Variants in CSNK1G1 observed in about 807,000 individuals in gnomAD.
CSNK1G1 encodes casein kinase I isoform gamma-1.
In CSNK1G1, 22 loss-of-function variants were observed where a neutral mutation model predicts 59.6. The ratio of observed to expected loss-of-function variants is 0.37; its 90% CI spans 0.26 to 0.53. The LOEUF is 0.53. CSNK1G1 is among the 20% of genes least tolerant of loss of function. CSNK1G1 has a pLI of 0.89. For missense variants in CSNK1G1, 384 were observed against 519.5 expected, an observed-to-expected ratio of 0.74 and a Z score of 2.54; for synonymous variants, 179 against 177.1, an observed-to-expected ratio of 1.01 and a Z score of -0.08.
At chr15:64,196,938 A>C (rs180858306) in intron 10 of CSNK1G1, among the ~76,000 whole-genome samples, 1 of 152,316 alleles carries the variant, frequency 6.6e-6, no homozygotes, top group East Asian at 1.9e-4. Context: ...AGGTTAAATA[A>C]AAATCTATGC....
intron 2 of CSNK1G1, among the ~76,000 whole-genome samples, chr15:64,267,222 A>C (rs1053318173): frequency 1.8e-4 from 27 of 149,532 alleles, no homozygotes; most frequent in Non-Finnish European, 3.7e-4. Context: ...GTGCCACTGC[A>C]CTCCAGCCTG....
chr15:64,250,184 G>A (rs1891996644), intron 4 of CSNK1G1, among the ~76,000 whole-genome samples: 2 of 152,106 alleles, frequency 1.3e-5, no homozygotes, highest in South Asian at 4.1e-4. Context: ...TATACACCCT[G>A]TGAACTCAGT....
intron 10 of CSNK1G1, among the ~76,000 whole-genome samples, chr15:64,198,568 G>GA (rs946168163): frequency 6.6e-6 from 1 of 152,070 alleles, no homozygotes; most frequent in African/African-American, 2.4e-5. Flanking sequence ...AGTTGCTGAT[G>GA]AAAGGTTAGC....
chr15:64,179,395 G>A (rs146158943), intron 11 of CSNK1G1, among the ~76,000 whole-genome samples: 1 of 152,282 alleles, frequency 6.6e-6, no homozygotes, highest in East Asian at 1.9e-4. Context: ...GTTCTGGCTT[G>A]TATTAAGCTA....
intron 4 of CSNK1G1, among the ~76,000 whole-genome samples, chr15:64,231,188 GTGTGATGTATGCC>G (rs138341970): frequency 0.039 from 5,824 of 150,052 alleles, 391 homozygotes; most frequent in African/African-American, 0.14. Context: ...TTAGTTGAGC[GTGTGATGTATGCC>G]TGTGGTCCCA....
At chr15:64,339,783 C>T (rs188284281) in intron 1 of CSNK1G1, among the ~76,000 whole-genome samples, 51 of 152,336 alleles carry the variant, frequency 3.3e-4, no homozygotes, top group East Asian at 3.9e-4. Context: ...GCCTTAAATA[C>T]GAATATTAAA....
intron 4 of CSNK1G1, among the ~76,000 whole-genome samples, chr15:64,233,352 CTCTCTCTT>C (rs568577290): frequency 2.0e-5 from 3 of 151,482 alleles, no homozygotes; most frequent in African/African-American, 4.8e-5. Context: ...GATTCTCTCT[CTCTCTCTT>C]TCTCTCTTTT....
chr15:64,234,294 T>A (rs2082586993), intron 4 of CSNK1G1, among the ~76,000 whole-genome samples: 2 of 151,984 alleles, frequency 1.3e-5, no homozygotes, highest in South Asian at 2.1e-4. Context: ...TTATAAAAAA[T>A]AAAATATAAA....
rs2081925482 is a variant in CSNK1G1 at position 64,188,335 on chromosome 15, G to GC, written c.1108-7882dup. 6.9e-7 allele frequency: 1 copy of GC among 1,458,948 alleles called. No homozygotes were observed. The highest frequency in any genetic ancestry group is 9.2e-7 in the Non-Finnish European group (1 of 1,081,450). The allele number at this position is 1,458,948 out of a possible 1,614,324, so 90.4% of individuals were successfully genotyped here. ...AGCAAGCCAACATTCCACCAGCCAA[G>GC]CTGGAAAGGCCAGGAAAAGGCAATA... On this transcript the variant is annotated intron_variant, in intron 10 of 11. Coordinates refer to ENST00000303052, the MANE Select transcript of CSNK1G1 (RefSeq NM_022048.5). The surrounding 1 kb of genome is among the most constrained non-coding windows in gnomAD (Gnocchi z 4.2).
chr15:64,274,798 A>G (rs567157318), intron 2 of CSNK1G1, among the ~76,000 whole-genome samples: 3 of 152,176 alleles, frequency 2.0e-5, no homozygotes, highest in African/African-American at 7.2e-5. Context: ...CTCAGTTCTC[A>G]GAGCCATACT....
Position 64,200,231 on chromosome 15 carries a change from C to T in CSNK1G1, c.1107+2851G>A, listed in dbSNP as rs1326795570. Among the ~76,000 whole-genome samples the T allele has an allele frequency of 4.0e-5, 6 of 151,282 alleles. No homozygotes were observed. Among genetic ancestry groups the T allele is most frequent in the Non-Finnish European group, 8.8e-5 (6 of 67,860 alleles). ...CAGCCTTGGTGATAAGAGCTAAACT[C>T]TGTCTCAAAAAAAAAAAGAGACACA... On this transcript the variant is annotated intron_variant, in intron 10 of 11. Transcript: ENST00000303052. The surrounding 1 kb of genome is among the most constrained non-coding windows in gnomAD (Gnocchi z 4.3).
chr15:64,306,625 C>T (rs549623334), intron 1 of CSNK1G1, among the ~76,000 whole-genome samples: 1 of 152,244 alleles, frequency 6.6e-6, no homozygotes, highest in South Asian at 2.1e-4. Flanking sequence ...CAGCACATTT[C>T]TTGGTATTGA....
At chr15:64,309,859 T>G (rs568742555) in intron 1 of CSNK1G1, among the ~76,000 whole-genome samples, 1 of 152,222 alleles carries the variant, frequency 6.6e-6, no homozygotes, top group African/African-American at 2.4e-5. Flanking sequence ...CCTATAATCC[T>G]AGAACTTTGG....
At chr15:64,277,950 G>T (rs1422343936) in intron 2 of CSNK1G1, among the ~76,000 whole-genome samples, 1 of 140,848 alleles carries the variant, frequency 7.1e-6, no homozygotes, top group African/African-American at 2.6e-5. Context: ...TATTAATATT[G>T]ATATAGTTGA....
At chr15:64,308,966 A>T (rs912699514) in intron 1 of CSNK1G1, among the ~76,000 whole-genome samples, 5 of 151,916 alleles carry the variant, frequency 3.3e-5, no homozygotes, top group African/African-American at 1.2e-4. Flanking sequence ...TCTTCCGCTT[A>T]ATTTCTGTTT....
intron 1 of CSNK1G1, among the ~76,000 whole-genome samples, chr15:64,337,327 A>C (rs906260360): frequency 6.6e-6 from 1 of 152,152 alleles, no homozygotes; most frequent in African/African-American, 2.4e-5. Flanking sequence ...ACTTCTAATA[A>C]GTTTTTCCAG....
intron 1 of CSNK1G1, among the ~76,000 whole-genome samples, chr15:64,321,240 A>T (rs1566946678): frequency 6.7e-6 from 1 of 149,238 alleles, no homozygotes; most frequent in Non-Finnish European, 1.5e-5. Flanking sequence ...AAAAAAAAGC[A>T]TTTTTTTTCT....
intron 2 of CSNK1G1, among the ~76,000 whole-genome samples, chr15:64,282,073 C>A (rs1471728988): frequency 6.6e-6 from 1 of 151,848 alleles, no homozygotes; most frequent in African/African-American, 2.4e-5. Flanking sequence ...AGGCATGCAC[C>A]ATCAAGCCTG....
chr15:64,304,371 G>A (rs1390271675), intron 1 of CSNK1G1, among the ~76,000 whole-genome samples: 4 of 99,038 alleles, frequency 4.0e-5, no homozygotes, highest in South Asian at 7.1e-4. Context: ...CAACGAGAGC[G>A]AAACTCCACC....
Sources: gnomAD v4.1 joint callset for allele counts (sites outside exome capture counted in the v4.1 genomes callset) on GRCh38, gnomAD v4.1.1 for gene constraint, Gnocchi (gnomAD v3.1) non-coding constraint, MANE v1.5 for transcripts, NCBI Gene and HGNC (gene_info 2026-07-23, HGNC 2026-07-21) for gene names.